Variants in TENM2 observed in about 807,000 individuals in gnomAD.
TENM2 encodes the protein teneurin-2.
In TENM2, 52 loss-of-function variants were observed where a neutral mutation model predicts 245.2. That is an observed-to-expected ratio of 0.21 (90% CI 0.17 to 0.27). The LOEUF (loss-of-function observed/expected upper bound fraction) is 0.27, where lower values mean the gene tolerates loss of function less well. Ranked by LOEUF, TENM2 falls within the 10% of genes least tolerant of loss-of-function variation. The probability of loss-of-function intolerance (pLI) is 1.00; values close to 1 mark genes in which losing one functional copy is unlikely to be tolerated. For synonymous variants in TENM2, 1,363 were observed against 1,438.9 expected, an observed-to-expected ratio of 0.95 and a Z score of 1.19; for missense variants, 3,046 against 3,666.8, an observed-to-expected ratio of 0.83 and a Z score of 4.37.
At position 167,424,636 on chromosome 5, in the gene TENM2, G is replaced by T. The variant is rs144970602; in HGVS notation, c.502+49163G>T. Among the ~76,000 whole-genome samples, 636 of 152,174 alleles carry T rather than the reference G, an allele frequency of 4.2e-3. 5 individuals carry two copies. The highest frequency in any genetic ancestry group is 0.011 in the Admixed American group (168 of 15,276). The stretch of plus-strand genomic sequence containing the variant: ...TTAACCTCTCAATACAATTAAAGTA[G>T]ACATCTTTTAAAGGCTCTTAATATT... On this transcript the variant is annotated intron_variant, in intron 2 of 28. Coordinates refer to ENST00000518659, the Ensembl canonical transcript of TENM2.
intron 2 of TENM2, among the ~76,000 whole-genome samples, chr5:167,773,726 G>A (rs938896732): frequency 3.3e-5 from 5 of 152,042 alleles, no homozygotes; most frequent in African/African-American, 9.7e-5. Flanking sequence ...GAAGCTGAAA[G>A]CATTTTTTTT....
intron 12 of TENM2, among the ~76,000 whole-genome samples, chr5:168,160,013 A>G (rs551601375): frequency 6.6e-6 from 1 of 152,340 alleles, no homozygotes; most frequent in Admixed American, 6.5e-5. Flanking sequence ...ATTGGACATG[A>G]ATTTAGTCAG....
intron 9 of TENM2, among the ~76,000 whole-genome samples, chr5:168,108,534 T>A (rs1446583312): frequency 6.6e-6 from 1 of 152,184 alleles, no homozygotes; most frequent in Non-Finnish European, 1.5e-5. Context: ...TTAGCTAGTA[T>A]CCACCTTCAC....
intron 2 of TENM2, among the ~76,000 whole-genome samples, chr5:167,672,278 TACAC>T (rs956404649): frequency 1.1e-4 from 17 of 152,064 alleles, no homozygotes; most frequent in African/African-American, 4.1e-4. Flanking sequence ...TATGTATATA[TACAC>T]ACACATATAT....
At chr5:167,756,221 G>GATAT (rs113575893) in intron 2 of TENM2, among the ~76,000 whole-genome samples, 1 of 150,878 alleles carries the variant, frequency 6.6e-6, no homozygotes, top group African/African-American at 2.4e-5. Context: ...CATGTTGTAT[G>GATAT]ATATATATAT....
At chr5:167,175,857 G>A in the TENM2 span, among the ~76,000 whole-genome samples, 5 of 152,162 alleles carry the variant, frequency 3.3e-5, no homozygotes, top group South Asian at 4.1e-4. Flanking sequence ...TTACAGGCGC[G>A]TGCCGTGACA....
At chr5:168,023,935 C>T (rs1441217140) in intron 5 of TENM2, among the ~76,000 whole-genome samples, 10 of 152,062 alleles carry the variant, frequency 6.6e-5, no homozygotes, top group Non-Finnish European at 1.2e-4. Context: ...TGGTGTGTCA[C>T]AATCATGCAT....
At chr5:167,404,655 G>A (rs1762531242) in intron 2 of TENM2, among the ~76,000 whole-genome samples, 1 of 151,458 alleles carries the variant, frequency 6.6e-6, no homozygotes, top group Non-Finnish European at 1.5e-5. Flanking sequence ...TCATATCATT[G>A]AAATCTACAG....
chr5:168,212,546 G>A (rs1762871968), intron 20 of TENM2, among the ~76,000 whole-genome samples: 1 of 152,142 alleles, frequency 6.6e-6, no homozygotes, highest in African/African-American at 2.4e-5. Flanking sequence ...CTCACTTTTT[G>A]AAATGAAACA....
chr5:167,405,734 C>T (rs1238502855), intron 2 of TENM2, among the ~76,000 whole-genome samples: 1 of 144,534 alleles, frequency 6.9e-6, no homozygotes, highest in Non-Finnish European at 1.5e-5. Context: ...CAGACTTTTA[C>T]CTTAGATATA....
chr5:168,141,372 A>G (rs7723815), intron 12 of TENM2, among the ~76,000 whole-genome samples: 51,262 of 152,008 alleles, frequency 0.34, 9,569 homozygotes, highest in East Asian at 0.63. Context: ...GGCAGATGCA[A>G]AACCAGGGAA....
intron 2 of TENM2, among the ~76,000 whole-genome samples, chr5:167,766,210 T>C (rs950144388): frequency 2.6e-5 from 4 of 151,922 alleles, no homozygotes; most frequent in Non-Finnish European, 5.9e-5. Context: ...ACCTTGAAAA[T>C]AGAGAGGGAA....
At chr5:168,138,105 T>C (rs186338881) in intron 12 of TENM2, among the ~76,000 whole-genome samples, 6 of 152,368 alleles carry the variant, frequency 3.9e-5, no homozygotes, top group Admixed American at 3.9e-4. Flanking sequence ...GCTGGTTTTA[T>C]GCATTCCAAG....
chr5:167,840,823 A>T (rs181284592), intron 2 of TENM2, among the ~76,000 whole-genome samples: 57 of 152,318 alleles, frequency 3.7e-4, no homozygotes, highest in African/African-American at 1.4e-3. Context: ...TGTGTGGTCT[A>T]TAATAATATG....
intron 13 of TENM2, among the ~76,000 whole-genome samples, chr5:168,171,933 C>G (rs1341577507): frequency 6.6e-6 from 1 of 152,204 alleles, no homozygotes; most frequent in African/African-American, 2.4e-5. Flanking sequence ...CACACCCTTG[C>G]CATCCCCCGG....
At chr5:167,368,382 T>G (rs986831647) in intron 1 of TENM2, among the ~76,000 whole-genome samples, 2 of 152,194 alleles carry the variant, frequency 1.3e-5, no homozygotes, top group African/African-American at 4.8e-5. Context: ...CATTATATCC[T>G]TCCCTTTAGG....
At chr5:167,764,688 C>T (rs773710460) in intron 2 of TENM2, among the ~76,000 whole-genome samples, 3 of 152,150 alleles carry the variant, frequency 2.0e-5, no homozygotes, top group Non-Finnish European at 4.4e-5. Flanking sequence ...TGACTCTTTA[C>T]TGTCCCAGTC....
intron 28 of TENM2, among the ~76,000 whole-genome samples, chr5:168,260,764 C>T (rs1309247180): frequency 2.0e-5 from 3 of 152,170 alleles, no homozygotes; most frequent in Non-Finnish European, 4.4e-5. Context: ...TATGGGATGT[C>T]ATAAAACTGT....
chr5:167,234,652 G>T, the TENM2 span, among the ~76,000 whole-genome samples: 1 of 152,126 alleles, frequency 6.6e-6, no homozygotes, highest in South Asian at 2.1e-4. Flanking sequence ...ATACAGGAAA[G>T]GTTGATTATA....
Sources: allele counts gnomAD v4.1 joint callset (sites outside exome capture counted in the v4.1 genomes callset), GRCh38; gene constraint gnomAD v4.1.1; transcripts MANE v1.5; gene names NCBI Gene and HGNC (gene_info 2026-07-23, HGNC 2026-07-21).